Variants in FSTL4 observed in about 807,000 individuals in gnomAD.
The protein encoded by FSTL4 is follistatin like 4.
A neutral mutation model predicts 78.2 loss-of-function variants in FSTL4; 28 were observed. The observed-to-expected ratio is 0.36, with a 90% confidence interval of 0.27 to 0.49. The LOEUF (loss-of-function observed/expected upper bound fraction) is 0.49, where lower values mean the gene tolerates loss of function less well. Ranked by LOEUF, FSTL4 falls within the 20% of genes least tolerant of loss-of-function variation. The pLI, the probability that FSTL4 is intolerant of heterozygous loss-of-function variation, is 0.98. For missense variants in FSTL4, 922 were observed against 1,084.9 expected (o/e 0.85, Z 2.11); for synonymous variants, 422 against 440.5 (o/e 0.96, Z 0.53).
chr5:133,565,541 C>G (rs925457696), intron 3 of FSTL4, among the ~76,000 whole-genome samples: 1 of 152,202 alleles, frequency 6.6e-6, no homozygotes, highest in Non-Finnish European at 1.5e-5. Flanking sequence ...AACAAATTTG[C>G]TAGTACAAAC....
chr5:133,481,649 G>A (rs962740564), intron 3 of FSTL4, among the ~76,000 whole-genome samples: 8 of 150,978 alleles, frequency 5.3e-5, no homozygotes, highest in Middle Eastern at 6.4e-3. Flanking sequence ...TTCAATAAAT[G>A]TTTATTGAGT....
At chr5:133,393,547 A>C (rs1034717045) in intron 4 of FSTL4, among the ~76,000 whole-genome samples, 1 of 152,230 alleles carries the variant, frequency 6.6e-6, no homozygotes, top group Non-Finnish European at 1.5e-5. Context: ...GACTGAAAGA[A>C]CAACAGCGGC....
At chr5:133,748,911 G>C in the FSTL4 span, among the ~76,000 whole-genome samples, 2 of 152,202 alleles carry the variant, frequency 1.3e-5, no homozygotes, top group African/African-American at 2.4e-5. Context: ...ATAACAGTCA[G>C]GGCCAGAGAC....
At chr5:133,766,809 CAATAT>C in the FSTL4 span, among the ~76,000 whole-genome samples, 1 of 152,184 alleles carries the variant, frequency 6.6e-6, no homozygotes, top group Non-Finnish European at 1.5e-5. Context: ...ATCCAACAAA[CAATAT>C]AATGTAGAGA....
intron 3 of FSTL4, among the ~76,000 whole-genome samples, chr5:133,425,833 G>C (rs1028575673): frequency 6.6e-6 from 1 of 152,228 alleles, no homozygotes; most frequent in Non-Finnish European, 1.5e-5. Flanking sequence ...GTAGCCGTGT[G>C]GTTTGTCCAC....
At chr5:133,774,957 T>C in the FSTL4 span, among the ~76,000 whole-genome samples, 1 of 151,244 alleles carries the variant, frequency 6.6e-6, no homozygotes, top group Non-Finnish European at 1.5e-5. Context: ...GTCTAGAATG[T>C]ATAGGTATAT....
At chr5:133,517,608 T>TTG (rs34680612) in intron 3 of FSTL4, among the ~76,000 whole-genome samples, 70,540 of 138,840 alleles carry the variant, frequency 0.51, 17,946 homozygotes, top group East Asian at 0.7. Context: ...ATAGAACTAA[T>TTG]TGTGTGTGTG....
At chr5:133,739,204 T>C in the FSTL4 span, among the ~76,000 whole-genome samples, 1 of 151,866 alleles carries the variant, frequency 6.6e-6, no homozygotes. Context: ...AGGGAGAACC[T>C]CAAATAATCA....
intron 3 of FSTL4, among the ~76,000 whole-genome samples, chr5:133,476,308 A>C (rs1757924402): frequency 6.6e-6 from 1 of 152,226 alleles, no homozygotes; most frequent in African/African-American, 2.4e-5. Context: ...CATCTTGGGC[A>C]ACGAGCTTAT....
At chr5:133,803,620 C>A in the FSTL4 span, among the ~76,000 whole-genome samples, 1 of 152,198 alleles carries the variant, frequency 6.6e-6, no homozygotes, top group Non-Finnish European at 1.5e-5. Flanking sequence ...AACATGGGGG[C>A]AGAAGCATGG....
intron 4 of FSTL4, among the ~76,000 whole-genome samples, chr5:133,318,056 C>T (rs748027948): frequency 3.3e-4 from 50 of 152,114 alleles, no homozygotes; most frequent in Admixed American, 2.0e-4. Flanking sequence ...GATTTTCTTC[C>T]AATTTGGGGT....
intron 7 of FSTL4, among the ~76,000 whole-genome samples, chr5:133,243,202 C>T (rs553450224): frequency 1.5e-4 from 23 of 151,558 alleles, no homozygotes; most frequent in African/African-American, 5.3e-4. Context: ...CTCTGCCTGC[C>T]GACATTAGAA....
the FSTL4 span, among the ~76,000 whole-genome samples, chr5:133,809,607 T>C: frequency 7.8e-6 from 1 of 127,742 alleles, no homozygotes; most frequent in Non-Finnish European, 1.6e-5. Flanking sequence ...GCACCAAAAA[T>C]GGAAAAAAAA....
intron 6 of FSTL4, among the ~76,000 whole-genome samples, chr5:133,288,508 C>T (rs1486242380): frequency 6.6e-6 from 1 of 152,232 alleles, no homozygotes; most frequent in African/African-American, 2.4e-5. Flanking sequence ...ATATTCAGTA[C>T]CCACAAGACC....
At chr5:133,786,081 T>C in the FSTL4 span, among the ~76,000 whole-genome samples, 3 of 152,206 alleles carry the variant, frequency 2.0e-5, no homozygotes, top group African/African-American at 7.2e-5. Flanking sequence ...CATCCCCAAC[T>C]GGGCCCTTAC....
intron 6 of FSTL4, among the ~76,000 whole-genome samples, chr5:133,306,149 G>A (rs1753650448): frequency 6.6e-6 from 1 of 152,256 alleles, no homozygotes; most frequent in Admixed American, 6.5e-5. Flanking sequence ...TAGAAGGTAT[G>A]CAGATTTGCA....
chr5:133,518,187 A>G (rs1437022053), intron 3 of FSTL4, among the ~76,000 whole-genome samples: 2 of 152,264 alleles, frequency 1.3e-5, no homozygotes, highest in Non-Finnish European at 2.9e-5. Context: ...TCTGTTTATC[A>G]GGCCTACCAT....
chr5:133,541,678 C>G (rs1302284935), intron 3 of FSTL4, among the ~76,000 whole-genome samples: 1 of 152,100 alleles, frequency 6.6e-6, no homozygotes, highest in African/African-American at 2.4e-5. Context: ...CAGATGTGGC[C>G]AGCATGAGTC....
chr5:133,500,602 C>T (rs1438762215), intron 3 of FSTL4, among the ~76,000 whole-genome samples: 2 of 152,148 alleles, frequency 1.3e-5, no homozygotes, highest in Non-Finnish European at 2.9e-5. Context: ...AAAATCAACA[C>T]ACATACCCAC....
Sources: gnomAD v4.1 joint callset for allele counts (sites outside exome capture counted in the v4.1 genomes callset) on GRCh38, gnomAD v4.1.1 for gene constraint, MANE v1.5 for transcripts, NCBI Gene and HGNC (gene_info 2026-07-23, HGNC 2026-07-21) for gene names.